The following PCDH15 variants were observed in gnomAD, a reference collection of about 807,000 sequenced individuals.
PCDH15 encodes protocadherin related 15.
In PCDH15, 129 loss-of-function variants were observed where a neutral mutation model predicts 178.5. The ratio of observed to expected loss-of-function variants is 0.72; its 90% confidence interval spans 0.63 to 0.84. PCDH15 has a LOEUF of 0.84. Among genes scored for constraint, PCDH15 ranks in the 40% least tolerant of loss-of-function variants. PCDH15 has a pLI of 0.00. For synonymous variants in PCDH15, 800 were observed against 732.0 expected (o/e 1.09, Z -1.50); for missense variants, 2,230 against 2,099.9 (o/e 1.06, Z -1.21).
At chr10:54,236,683 TA>T (rs2054659792) in intron 9 of PCDH15, 139 bp downstream of exon 9, 1 of 746,050 alleles carries the variant, frequency 1.3e-6, no homozygotes, top group Admixed American at 2.3e-5. Flanking sequence ...TTATTATTTT[TA>T]AAATGTGTTT....
chr10:54,362,196 G>A (rs1454840856), intron 5 of PCDH15, among the ~76,000 whole-genome samples: 6 of 151,970 alleles, frequency 3.9e-5, no homozygotes. Flanking sequence ...TTCATTCAAA[G>A]TCAGGAGGTA....
intron 2 of PCDH15, among the ~76,000 whole-genome samples, chr10:55,010,174 T>C (rs912839469): frequency 1.3e-5 from 2 of 152,006 alleles, no homozygotes; most frequent in African/African-American, 4.8e-5. Flanking sequence ...TCTAATAAGA[T>C]TGTACAACCT....
At chr10:54,682,056 G>A (rs1282703449) in intron 1 of PCDH15, among the ~76,000 whole-genome samples, 1 of 152,092 alleles carries the variant, frequency 6.6e-6, no homozygotes, top group African/African-American at 2.4e-5. Flanking sequence ...TGAATTAAGT[G>A]GCAAAATGGC....
intron 8 of PCDH15, among the ~76,000 whole-genome samples, chr10:54,257,496 TA>T (rs1455026156): frequency 6.6e-6 from 1 of 151,166 alleles, no homozygotes; most frequent in East Asian, 1.9e-4. Flanking sequence ...ATAAACTTGC[TA>T]AAAATACTAC....
rs2077631144 is a variant in PCDH15, at chr10:54,467,800, A to C, written c.157+60012T>G. 2.0e-5 allele frequency among the ~76,000 whole-genome samples: 3 copies of C among 151,496 alleles called. No homozygotes were observed. The South Asian group carries it at 6.2e-4, about 31-fold the overall frequency. ...TGTCAGTGAAGCAATCCAGTCTCAA[A>C]CTTTTCTTTGTTGGGAGACTTTTTA... is the stretch of plus-strand genomic sequence containing the variant. On this transcript the variant is annotated intron_variant, in intron 3 of 37. Transcript: ENST00000644397.
chr10:55,399,359 CTA>C (rs1399298120), intron 2 of PCDH15, among the ~76,000 whole-genome samples: 1 of 151,996 alleles, frequency 6.6e-6, no homozygotes, highest in Non-Finnish European at 1.5e-5. Context: ...ACAATTTATG[CTA>C]TGAGAACTAT....
At chr10:55,036,516 G>C (rs980645943) in intron 2 of PCDH15, among the ~76,000 whole-genome samples, 1 of 152,090 alleles carries the variant, frequency 6.6e-6, no homozygotes, top group African/African-American at 2.4e-5. Context: ...GAAAATATGA[G>C]CTCTGAGTTT....
At chr10:53,911,968 C>A (rs563070367) in intron 25 of PCDH15, among the ~76,000 whole-genome samples, 31 of 152,256 alleles carry the variant, frequency 2.0e-4, no homozygotes, top group Admixed American at 1.8e-3. Context: ...CATCCTGATA[C>A]CAAAGCCTGG....
chr10:54,673,319 C>A (rs1038817300), intron 1 of PCDH15, among the ~76,000 whole-genome samples: 1 of 151,926 alleles, frequency 6.6e-6, no homozygotes, highest in East Asian at 1.9e-4. Flanking sequence ...TGAGAATATG[C>A]GGTGCTTGGT....
At chr10:54,618,037 A>G (rs2093235193) in intron 2 of PCDH15, among the ~76,000 whole-genome samples, 1 of 152,094 alleles carries the variant, frequency 6.6e-6, no homozygotes. Flanking sequence ...TTTGTTTTCA[A>G]GATATATTAG....
intron 2 of PCDH15, among the ~76,000 whole-genome samples, chr10:54,550,929 G>C (rs1203304494): frequency 6.6e-6 from 1 of 151,916 alleles, no homozygotes; most frequent in Non-Finnish European, 1.5e-5. Flanking sequence ...GCTGAGGTGG[G>C]AGGATCACTT....
intron 3 of PCDH15, among the ~76,000 whole-genome samples, chr10:54,871,710 G>C (rs1954044692): frequency 6.6e-6 from 1 of 151,878 alleles, no homozygotes; most frequent in Non-Finnish European, 1.5e-5. Flanking sequence ...TAATCAGTGG[G>C]ACCCAGGCTC....
At chr10:53,923,082 G>A (rs1049697082) in intron 25 of PCDH15, among the ~76,000 whole-genome samples, 31 of 152,106 alleles carry the variant, frequency 2.0e-4, no homozygotes, top group African/African-American at 5.3e-4. Context: ...GCAAGACTCC[G>A]TCTCAAAAAA....
chr10:54,365,889 AAACT>A (rs1236749728), intron 5 of PCDH15, among the ~76,000 whole-genome samples: 3 of 150,878 alleles, frequency 2.0e-5, no homozygotes, highest in Non-Finnish European at 4.4e-5. Context: ...AATTCTTGAC[AAACT>A]AATAGAAGAA....
chr10:55,216,108 C>A (rs557875592), intron 1 of PCDH15, among the ~76,000 whole-genome samples: 1 of 151,284 alleles, frequency 6.6e-6, no homozygotes, highest in South Asian at 2.1e-4. Context: ...TGCTCACCAC[C>A]TAGAAAAAAA....
chr10:54,898,022 C>CT (rs1954574663), intron 2 of PCDH15, among the ~76,000 whole-genome samples: 3 of 152,084 alleles, frequency 2.0e-5, no homozygotes, highest in Admixed American at 6.6e-5. Flanking sequence ...GAGGTGGGGC[C>CT]TGATGGGAGG....
intron 3 of PCDH15, among the ~76,000 whole-genome samples, chr10:54,526,206 T>A (rs541853126): frequency 6.6e-6 from 1 of 152,332 alleles, no homozygotes; most frequent in South Asian, 2.1e-4. Flanking sequence ...TAAACTATCA[T>A]CATTGCTGTT....
chr10:54,724,760 C>A (rs190081391), intron 1 of PCDH15, among the ~76,000 whole-genome samples: 9 of 151,056 alleles, frequency 6.0e-5, no homozygotes, highest in Non-Finnish European at 1.0e-4. Flanking sequence ...ATATAGGTTT[C>A]TTATATATGT....
chr10:55,069,996 T>C (rs913889794), intron 2 of PCDH15, among the ~76,000 whole-genome samples: 6 of 152,222 alleles, frequency 3.9e-5, no homozygotes, highest in Admixed American at 1.3e-4. Context: ...GGTATCTCAT[T>C]GTGGTTTTGA....
Sources: allele counts gnomAD v4.1 joint callset (sites outside exome capture counted in the v4.1 genomes callset), GRCh38; gene constraint gnomAD v4.1.1; transcripts MANE v1.5; gene names NCBI Gene and HGNC (gene_info 2026-07-23, HGNC 2026-07-21).